The following MOB3B variants were observed in gnomAD, a reference collection of about 807,000 sequenced individuals.
The protein encoded by MOB3B is MOB kinase activator 3B.
MOB3B carries 7 observed loss-of-function variants against 18.7 expected under a neutral mutation model. The observed-to-expected ratio is 0.37, with a 90% confidence interval of 0.21 to 0.70. MOB3B has a LOEUF of 0.70. Among genes scored for constraint, MOB3B ranks in the 30% least tolerant of loss-of-function variants. The pLI is 0.52. For synonymous variants in MOB3B, 111 were observed against 99.9 expected, an observed-to-expected ratio of 1.11 and a Z score of -0.66; for missense variants, 253 against 281.3, an observed-to-expected ratio of 0.90 and a Z score of 0.72.
At chr9:27,357,919 A>AAAAAAAAAAAAAAAAAAAG (rs1821217551) in intron 3 of MOB3B, among the ~76,000 whole-genome samples, 1 of 128,168 alleles carries the variant, frequency 7.8e-6, no homozygotes, top group Admixed American at 8.0e-5. Context: ...AAAAAAAAAA[A>AAAAAAAAAAAAAAAAAAAG]AATAGCCATG....
rs1480259592 is a variant in MOB3B at position 27,328,285 on chromosome 9, G to A, written c.*2302C>T. ...GAGGGCTGAAGCTCCATTTATAACA[G>A]AGATGAACAGTTAGATGCAGTCAAG... On this transcript the variant is annotated 3_prime_UTR_variant, in exon 4 of 4. Coordinates refer to ENST00000262244, the MANE Select transcript of MOB3B (RefSeq NM_024761.5). 2 of 151,868 alleles carry A rather than the reference G, an allele frequency of 1.3e-5. No individual in the cohort carries two copies. The highest frequency in any genetic ancestry group is 4.8e-5 in the African/African-American group (2 of 41,348). 9.4% of individuals were successfully genotyped at this position (151,868 alleles called of 1,614,324 possible).
At chr9:27,364,969 A>G (rs1248612394) in intron 2 of MOB3B, among the ~76,000 whole-genome samples, 2 of 152,144 alleles carry the variant, frequency 1.3e-5, no homozygotes, top group Non-Finnish European at 2.9e-5. Context: ...ATTTTCTACT[A>G]GTTTCTCAAA....
At chr9:27,406,931 T>C (rs1046226263) in intron 2 of MOB3B, among the ~76,000 whole-genome samples, 1 of 152,068 alleles carries the variant, frequency 6.6e-6, no homozygotes, top group African/African-American at 2.4e-5. Context: ...CTCCACCTTT[T>C]GGATTCAAGC....
intron 2 of MOB3B, chr9:27,396,832 G>C (rs1192471862): frequency 6.6e-6 from 1 of 152,152 alleles, no homozygotes; most frequent in Non-Finnish European, 1.5e-5. Flanking sequence ...CTAAGACTTA[G>C]CTATTACAAT....
At chr9:27,413,315 A>T (rs1822100750) in intron 2 of MOB3B, among the ~76,000 whole-genome samples, 1 of 151,912 alleles carries the variant, frequency 6.6e-6, no homozygotes, top group Non-Finnish European at 1.5e-5. Flanking sequence ...CATTCTCGTT[A>T]CTGAAATGGG....
At chr9:27,492,999 A>G (rs1229217638) in intron 1 of MOB3B, among the ~76,000 whole-genome samples, 1 of 152,228 alleles carries the variant, frequency 6.6e-6, no homozygotes, top group Admixed American at 6.5e-5. Context: ...ATCATATACT[A>G]AGCTACTTAG....
Position 27,330,517 on chromosome 9 carries a change from T to A in MOB3B, c.*70A>T. 6.2e-7 allele frequency: 1 copy of A among 1,607,510 alleles called. No homozygotes were observed. Among genetic ancestry groups the A allele is most frequent in the Non-Finnish European group, 8.5e-7 (1 of 1,176,570 alleles). ...AGGTGTGTCATTTCAGCCAGGGTGG[T>A]CCACCTCCTGCCCGCTCAGGGCACC... On this transcript the variant is annotated 3_prime_UTR_variant, in exon 4 of 4. Transcript: ENST00000262244.
chr9:27,461,377 C>G (rs1195386764), intron 1 of MOB3B, among the ~76,000 whole-genome samples: 2 of 152,216 alleles, frequency 1.3e-5, no homozygotes, highest in African/African-American at 4.8e-5. Flanking sequence ...GCCCACAGGA[C>G]AACCCCAGAA....
chr9:27,361,533 C>T (rs1821274410), intron 2 of MOB3B, among the ~76,000 whole-genome samples: 1 of 152,210 alleles, frequency 6.6e-6, no homozygotes, highest in Non-Finnish European at 1.5e-5. Context: ...TGTTAGCTTT[C>T]TCTGCCCAGG....
At chr9:27,331,144 T>C (rs1820783112) in intron 3 of MOB3B, among the ~76,000 whole-genome samples, 2 of 152,190 alleles carry the variant, frequency 1.3e-5, no homozygotes, top group South Asian at 2.1e-4. Context: ...TTTTTAAAAA[T>C]AGAAATGAAT....
rs138418070 is a variant in MOB3B at position 27,427,001 on chromosome 9, A to G, written c.418+28132T>C. The stretch of plus-strand genomic sequence containing the variant: ...ACACACTGGATTATTCTAGGTGCCA[A>G]TTTAGGAAGAGAACATCCAAGTTTG... On this transcript the variant is annotated intron_variant, in intron 2 of 3. Coordinates refer to ENST00000262244, the MANE Select transcript of MOB3B (RefSeq NM_024761.5). Among the ~76,000 whole-genome samples the G allele has an allele frequency of 1.7e-4, 26 of 152,342 alleles. No individual in the cohort carries two copies. The East Asian group carries it at 4.8e-3, about 28-fold the overall frequency.
In MOB3B at chr9:27,328,892, A is replaced by G. The variant is rs1242335175; in HGVS notation, c.*1695T>C. ...AAAGTTACTTAGGAAGGGGGACAAA[A>G]GTATGTTTATTGTTGACCAGGGCAC... On this transcript the variant is annotated 3_prime_UTR_variant, in exon 4 of 4. Coordinates refer to ENST00000262244, the MANE Select transcript of MOB3B (RefSeq NM_024761.5). 1 of 152,630 alleles carries G rather than the reference A, an allele frequency of 6.6e-6. No individual in the cohort carries two copies. Among genetic ancestry groups the G allele is most frequent in the East Asian group, 1.9e-4 (1 of 5,192 alleles). 9.5% of individuals were successfully genotyped at this position (152,630 alleles called of 1,614,324 possible).
intron 1 of MOB3B, among the ~76,000 whole-genome samples, chr9:27,520,002 G>A (rs962939682): frequency 6.6e-6 from 1 of 152,040 alleles, no homozygotes; most frequent in African/African-American, 2.4e-5. Context: ...TCCTTTTCCT[G>A]GGCTCTCTAC....
chr9:27,386,853 A>G (rs987354773), intron 2 of MOB3B, among the ~76,000 whole-genome samples: 1 of 152,200 alleles, frequency 6.6e-6, no homozygotes, highest in African/African-American at 2.4e-5. Context: ...TCTGCAATCT[A>G]CTTGCTCCTG....
intron 3 of MOB3B, among the ~76,000 whole-genome samples, chr9:27,334,681 A>G (rs10757652): frequency 0.68 from 102,716 of 152,142 alleles, 35,190 homozygotes; most frequent in African/African-American, 0.8. Flanking sequence ...TCAGTGGAGG[A>G]TAGGGAATAA....
rs116609227 is a variant in MOB3B at position 27,377,392 on chromosome 9, G to A, written c.419-18156C>T. On this transcript the variant is annotated intron_variant, in intron 2 of 3. Transcript: ENST00000262244. ...CTCTCAGGAGCTGTCTTCACACTAC[G>A]GAAGTGCTGAAAATACACGGCTAGA... 7.0e-3 allele frequency among the ~76,000 whole-genome samples: 1,061 copies of A among 152,238 alleles called. 18 individuals carry two copies. The highest frequency in any genetic ancestry group is 0.024 in the African/African-American group (996 of 41,534).
chr9:27,499,019 TA>T (rs750516752), intron 1 of MOB3B, among the ~76,000 whole-genome samples: 2 of 152,224 alleles, frequency 1.3e-5, no homozygotes, highest in Non-Finnish European at 2.9e-5. Context: ...TGTATATGCA[TA>T]AATTATTATC....
At chr9:27,429,761 C>A (rs1303977651) in intron 2 of MOB3B, among the ~76,000 whole-genome samples, 1 of 152,160 alleles carries the variant, frequency 6.6e-6, no homozygotes, top group Admixed American at 6.5e-5. Context: ...TCAAAGTTAC[C>A]ATTCAAGGTC....
intron 1 of MOB3B, among the ~76,000 whole-genome samples, chr9:27,505,861 A>AT (rs1241315754): frequency 6.6e-6 from 1 of 152,078 alleles, no homozygotes; most frequent in South Asian, 2.1e-4. Context: ...CCGTAGAGCC[A>AT]TTTTTTCCCC....
Sources: allele counts gnomAD v4.1 joint callset (sites outside exome capture counted in the v4.1 genomes callset), GRCh38; gene constraint gnomAD v4.1.1; transcripts MANE v1.5; gene names NCBI Gene and HGNC (gene_info 2026-07-23, HGNC 2026-07-21).